Variants in GRIK4 observed in about 807,000 individuals in gnomAD.
GRIK4 encodes glutamate receptor ionotropic, kainate 4.
A neutral mutation model predicts 104.9 loss-of-function variants in GRIK4; 40 were observed. That is an observed-to-expected ratio of 0.38 (90% CI 0.30 to 0.50). The LOEUF is 0.50. Ranked by LOEUF, GRIK4 falls within the 20% of genes least tolerant of loss-of-function variation. The probability of loss-of-function intolerance (pLI) is 0.93; values close to 1 mark genes in which losing one functional copy is unlikely to be tolerated. For synonymous variants in GRIK4, 485 were observed against 524.9 expected, an observed-to-expected ratio of 0.92 and a Z score of 1.04; for missense variants, 1,047 against 1,308.1, an observed-to-expected ratio of 0.80 and a Z score of 3.08.
intron 8 of GRIK4, among the ~76,000 whole-genome samples, chr11:120,843,666 G>A (rs1953778576): frequency 6.6e-6 from 1 of 150,464 alleles, no homozygotes; most frequent in African/African-American, 2.5e-5. Context: ...TCTACCGCCT[G>A]TATCTGGGTG....
intron 3 of GRIK4, among the ~76,000 whole-genome samples, chr11:120,783,585 G>A (rs778626273): frequency 2.0e-5 from 3 of 152,094 alleles, no homozygotes; most frequent in Non-Finnish European, 4.4e-5. Context: ...GGGTAATTGC[G>A]TGGGCTCCAC....
intron 1 of GRIK4, among the ~76,000 whole-genome samples, chr11:120,592,327 T>C (rs1227544948): frequency 6.6e-6 from 1 of 152,220 alleles, no homozygotes; most frequent in Non-Finnish European, 1.5e-5. Flanking sequence ...CTAACGTGTG[T>C]GTGCACACGC....
intron 19 of GRIK4, among the ~76,000 whole-genome samples, chr11:120,977,867 C>T (rs565018035): frequency 2.2e-4 from 33 of 152,280 alleles, no homozygotes; most frequent in African/African-American, 6.3e-4. Flanking sequence ...CCAATACAGG[C>T]GGTCCATGTT....
intron 3 of GRIK4, among the ~76,000 whole-genome samples, chr11:120,704,115 G>C (rs1185202588): frequency 6.6e-6 from 1 of 152,220 alleles, no homozygotes; most frequent in Non-Finnish European, 1.5e-5. Context: ...TGTATTTCTT[G>C]TGTTCTCGTG....
chr11:120,545,169 C>T (rs940199260), intron 1 of GRIK4, among the ~76,000 whole-genome samples: 1 of 152,166 alleles, frequency 6.6e-6, no homozygotes, highest in Non-Finnish European at 1.5e-5. Flanking sequence ...TGTTCAGCCA[C>T]AGCTTTGAGC....
intron 1 of GRIK4, among the ~76,000 whole-genome samples, chr11:120,643,024 C>T (rs1949489666): frequency 6.6e-6 from 1 of 152,112 alleles, no homozygotes; most frequent in African/African-American, 2.4e-5. Flanking sequence ...ACATGTTTCC[C>T]ATACTCATTC....
At chr11:120,765,113 C>A (rs1951811873) in intron 3 of GRIK4, among the ~76,000 whole-genome samples, 1 of 152,096 alleles carries the variant, frequency 6.6e-6, no homozygotes, top group African/African-American at 2.4e-5. Flanking sequence ...TAGGTTTTGT[C>A]TTTTCTTATA....
At chr11:120,695,526 A>G (rs1477940289) in intron 3 of GRIK4, among the ~76,000 whole-genome samples, 1 of 152,210 alleles carries the variant, frequency 6.6e-6, no homozygotes, top group East Asian at 1.9e-4. Context: ...CGCCAAGGAC[A>G]CTTGAGGCCA....
chr11:120,574,972 A>G (rs1256392316), intron 1 of GRIK4, among the ~76,000 whole-genome samples: 1 of 152,180 alleles, frequency 6.6e-6, no homozygotes, highest in Non-Finnish European at 1.5e-5. Flanking sequence ...TAAAGACTAT[A>G]TCTTCTGCAA....
At chr11:120,927,575 A>AG (rs1338685369) in intron 13 of GRIK4, among the ~76,000 whole-genome samples, 1 of 150,262 alleles carries the variant, frequency 6.7e-6, no homozygotes, top group Non-Finnish European at 1.5e-5. Context: ...CAAAAAAAAA[A>AG]AAAAAAAAAA....
At chr11:120,672,721 C>G in intron 3 of GRIK4, among the ~76,000 whole-genome samples, 1 of 147,998 alleles carries the variant, frequency 6.8e-6, no homozygotes, top group East Asian at 1.9e-4. Context: ...CGTGATTTGG[C>G]TCTCTGTCTA....
Position 120,986,237 on chromosome 11 carries a change from A to G in GRIK4, c.2848A>G (p.Thr950Ala), listed in dbSNP as rs747992769. ...GGAGAGCCTGGAGTGGGAGAAAACC[A>G]CCAACAGCAGCGAGCCCGAGTAGTC... Reference protein sequence around the residue: ...SEESLEWEKTTNSSEPE With the variant: ...SEESLEWEKTANSSEPE The change falls in exon 21 of 21, where the codon ACC becomes GCC. Residue 950 changes from threonine (T) to alanine (A), a missense_variant. By Grantham distance (58) the Thr-to-Ala change is moderately conservative (BLOSUM62 0). Transcript: ENST00000527524. 5 of 1,512,240 alleles carry G rather than the reference A, an allele frequency of 3.3e-6. No individual in the cohort carries two copies. The South Asian group carries it at 5.7e-5, about 17-fold the overall frequency. The allele number at this position is 1,512,240 out of a possible 1,614,324, so 93.7% of individuals were successfully genotyped here. A position where few individuals can be genotyped will look rare whatever the true frequency, so the allele number is the denominator to read the frequency against.
chr11:120,845,742 G>A (rs201927286), intron 8 of GRIK4, among the ~76,000 whole-genome samples: 2 of 152,146 alleles, frequency 1.3e-5, no homozygotes, highest in East Asian at 3.8e-4. Context: ...TGATTCCAAA[G>A]TGTAGTTTAT....
intron 1 of GRIK4, among the ~76,000 whole-genome samples, chr11:120,617,489 C>T (rs1949131743): frequency 6.6e-6 from 1 of 152,148 alleles, no homozygotes; most frequent in Non-Finnish European, 1.5e-5. Context: ...AAGTGATCCT[C>T]CCATCTCAGC....
intron 3 of GRIK4, among the ~76,000 whole-genome samples, chr11:120,695,561 C>CAGA (rs1420557316): frequency 6.6e-6 from 1 of 152,146 alleles, no homozygotes; most frequent in Non-Finnish European, 1.5e-5. Flanking sequence ...TTCATTTATG[C>CAGA]AGAAGAAGAA....
intron 1 of GRIK4, among the ~76,000 whole-genome samples, chr11:120,608,580 A>G (rs1439269952): frequency 1.3e-5 from 2 of 152,146 alleles, no homozygotes; most frequent in Non-Finnish European, 2.9e-5. Context: ...CTTTTTCCTC[A>G]TTGTGGAGGA....
intron 11 of GRIK4, among the ~76,000 whole-genome samples, chr11:120,879,836 A>G (rs959208668): frequency 3.3e-5 from 5 of 152,220 alleles, no homozygotes; most frequent in African/African-American, 1.2e-4. Context: ...TGGCCTGGAC[A>G]GTATTAGGAA....
In GRIK4 at chr11:120,902,360, C is replaced by T. The variant is rs1439527865; in HGVS notation, c.1273-2930C>T. ...AGGTGCCAGTGAGCCCTAACCATCC[C>T]CATCCTTGGGCTTTCCAACGCGTCT... On this transcript the variant is annotated intron_variant, in intron 12 of 20. Transcript: ENST00000527524. This position sits in a 1 kb window ranked among gnomAD's most constrained non-coding sequence, Gnocchi z 4.5. 6.6e-6 allele frequency among the ~76,000 whole-genome samples: 1 copy of T among 152,196 alleles called. No homozygotes were observed. Among genetic ancestry groups the T allele is most frequent in the Non-Finnish European group, 1.5e-5 (1 of 68,040 alleles).
chr11:120,765,988 A>G (rs1951831602), intron 3 of GRIK4, among the ~76,000 whole-genome samples: 1 of 152,248 alleles, frequency 6.6e-6, no homozygotes, highest in Non-Finnish European at 1.5e-5. Flanking sequence ...CTGTGCTGGG[A>G]GATCCACTGC....
Sources: allele counts gnomAD v4.1 joint callset (sites outside exome capture counted in the v4.1 genomes callset), GRCh38; gene constraint gnomAD v4.1.1; non-coding constraint Gnocchi (gnomAD v3.1); transcripts MANE v1.5; gene names NCBI Gene and HGNC (gene_info 2026-07-23, HGNC 2026-07-21).